CDK13: variants seen among roughly 807,000 people sequenced by gnomAD.
CDK13 encodes cyclin dependent kinase 13.
In CDK13, 40 loss-of-function variants were observed where a neutral mutation model predicts 137.6. The ratio of observed to expected loss-of-function variants is 0.29; its 90% CI spans 0.23 to 0.38. The LOEUF (loss-of-function observed/expected upper bound fraction) is 0.38, where lower values mean the gene tolerates loss of function less well. CDK13 is among the 10% of genes least tolerant of loss of function. The probability of loss-of-function intolerance (pLI) is 1.00; values close to 1 mark genes in which losing one functional copy is unlikely to be tolerated. For missense variants in CDK13, 1,704 were observed against 1,951.8 expected, an observed-to-expected ratio of 0.87 and a Z score of 2.39; for synonymous variants, 869 against 760.1, an observed-to-expected ratio of 1.14 and a Z score of -2.36.
intron 11 of CDK13, among the ~76,000 whole-genome samples, chr7:40,083,759 A>T (rs899868662): frequency 6.6e-6 from 1 of 152,232 alleles, no homozygotes. Flanking sequence ...TCTGTAAGCT[A>T]TCTGTAACAA....
At chr7:40,079,294 C>A (rs1391498156) in intron 11 of CDK13, among the ~76,000 whole-genome samples, 1 of 152,160 alleles carries the variant, frequency 6.6e-6, no homozygotes, top group Non-Finnish European at 1.5e-5. Flanking sequence ...TGGCAGGCGC[C>A]TGTAATCCCA....
Position 40,038,287 on chromosome 7 carries a change from A to T in CDK13, c.2354-7549A>T, listed in dbSNP as rs917242191. Among the ~76,000 whole-genome samples the T allele has an allele frequency of 4.6e-5, 7 of 152,158 alleles. No homozygotes were observed. The South Asian group carries it at 1.4e-3, about 32-fold the overall frequency. ...AACCATATATGCTGAAGTTTACTCC[A>T]TGTTAGTAGACAAAAATCATTTTGT... On this transcript the variant is annotated intron_variant, in intron 5 of 13. Transcript: ENST00000181839.
At chr7:40,051,259 T>TTC (rs777086082) in intron 7 of CDK13, among the ~76,000 whole-genome samples, 12 of 148,922 alleles carry the variant, frequency 8.1e-5, no homozygotes, top group Non-Finnish European at 1.6e-4. Context: ...CCTTTAAAAC[T>TTC]TCTCTTTTTT....
rs1044290744 is a variant in CDK13 at position 40,097,754 on chromosome 7, G to T, written c.*2774G>T. 1 of 152,046 alleles carries T rather than the reference G, an allele frequency of 6.6e-6. No individual in the cohort carries two copies. The highest frequency in any genetic ancestry group is 1.9e-4 in the East Asian group (1 of 5,202). The allele number at this position is 152,046 out of a possible 1,614,324, so 9.4% of individuals were successfully genotyped here. On this transcript the variant is annotated 3_prime_UTR_variant, in exon 14 of 14. Transcript: ENST00000181839. The stretch of plus-strand genomic sequence containing the variant: ...GCATGCAACTCAGTATGTTTCCTAC[G>T]TCTTCATTATTTGTTGGAGAGTTGC...
chr7:40,022,418 A>G (rs909951457), intron 5 of CDK13, among the ~76,000 whole-genome samples: 9 of 152,210 alleles, frequency 5.9e-5, no homozygotes. Flanking sequence ...TTCTACCTTC[A>G]GGCATAGTTT....
chr7:40,036,703 T>TAA (rs17537999), intron 5 of CDK13, among the ~76,000 whole-genome samples: 1 of 145,712 alleles, frequency 6.9e-6, no homozygotes, highest in African/African-American at 2.5e-5. Flanking sequence ...CCTGTCAACT[T>TAA]AAAAAAAAAA....
At chr7:39,960,182 C>T (rs779288392) in intron 1 of CDK13, among the ~76,000 whole-genome samples, 4 of 150,324 alleles carry the variant, frequency 2.7e-5, no homozygotes, top group Non-Finnish European at 5.9e-5. Flanking sequence ...CTGTTCTCTG[C>T]ATTCAGATTT....
intron 7 of CDK13, chr7:40,048,622 A>G (rs1208764491): frequency 6.6e-6 from 1 of 151,690 alleles, no homozygotes; most frequent in South Asian, 2.1e-4. Context: ...TTTTATGACA[A>G]TTTTGTCATT....
intron 3 of CDK13, 133 bp downstream of exon 3, chr7:39,997,797 A>G (rs1583966709): frequency 3.0e-6 from 2 of 664,484 alleles, no homozygotes; most frequent in Non-Finnish European, 4.9e-6. Context: ...TATGAATTCT[A>G]TTAGAGTTTT....
chr7:39,966,846 T>C (rs1783883253), intron 1 of CDK13, among the ~76,000 whole-genome samples: 1 of 152,206 alleles, frequency 6.6e-6, no homozygotes, highest in Non-Finnish European at 1.5e-5. Flanking sequence ...GACCCTCAGC[T>C]GCAGGTCCGT....
At chr7:39,959,476 TTTTTTTAA>T (rs1787539927) in intron 1 of CDK13, among the ~76,000 whole-genome samples, 1 of 149,556 alleles carries the variant, frequency 6.7e-6, no homozygotes, top group Non-Finnish European at 1.5e-5. Context: ...CTTTCTTTTT[TTTTTTTAA>T]TTGAGACCGG....
intron 4 of CDK13, 104 bp downstream of exon 4, chr7:39,999,604 A>G: frequency 1.8e-6 from 2 of 1,110,046 alleles, no homozygotes; most frequent in Non-Finnish European, 2.6e-6. Context: ...AATTAAATTC[A>G]ATTTTATTGT....
rs1466144816 is a variant in CDK13, at chr7:40,095,983, T to G, written c.*1003T>G. 1 of 152,192 alleles carries G rather than the reference T, an allele frequency of 6.6e-6. No homozygotes were observed. Among genetic ancestry groups the G allele is most frequent in the Non-Finnish European group, 1.5e-5 (1 of 68,032 alleles). The allele number at this position is 152,192 out of a possible 1,614,324, so 9.4% of individuals were successfully genotyped here. A position where few individuals can be genotyped will look rare whatever the true frequency, so the allele number is the denominator to read the frequency against. ...GTTTTGTCATTTAAATGGTTGAAAG[T>G]AATAGCTCCAGGAGAATTTTAGAGT... On this transcript the variant is annotated 3_prime_UTR_variant, in exon 14 of 14. Coordinates refer to ENST00000181839, the MANE Select transcript of CDK13 (RefSeq NM_003718.5).
At chr7:40,026,004 A>G (rs565129884) in intron 5 of CDK13, among the ~76,000 whole-genome samples, 36 of 152,320 alleles carry the variant, frequency 2.4e-4, no homozygotes, top group African/African-American at 8.4e-4. Context: ...TCTTGGTTCT[A>G]TCTGGCTGTC....
chr7:39,971,984 C>T (rs1784009560), intron 1 of CDK13, among the ~76,000 whole-genome samples: 1 of 152,332 alleles, frequency 6.6e-6, no homozygotes, highest in Admixed American at 6.5e-5. Context: ...TGAACAAATT[C>T]TTGATGGCTA....
At chr7:39,985,364 A>G (rs1267870256) in intron 1 of CDK13, 1 of 161,200 alleles carries the variant, frequency 6.2e-6, no homozygotes, top group Non-Finnish European at 1.3e-5. Context: ...TTCTTTATCC[A>G]TTCATCTGTT....
chr7:40,077,316 AAGG>A (rs1786567609), intron 9 of CDK13, among the ~76,000 whole-genome samples: 1 of 152,122 alleles, frequency 6.6e-6, no homozygotes, highest in Non-Finnish European at 1.5e-5. Context: ...TATTCATGGG[AAGG>A]AGGAGTGACA....
At chr7:39,985,359 T>A in intron 1 of CDK13, 1 of 160,636 alleles carries the variant, frequency 6.2e-6, no homozygotes, top group Non-Finnish European at 1.3e-5. Context: ...ACATTTTCTT[T>A]ATCCATTCAT....
chr7:40,031,822 A>G (rs988422898), intron 5 of CDK13, among the ~76,000 whole-genome samples: 1 of 113,576 alleles, frequency 8.8e-6, no homozygotes, highest in Non-Finnish European at 1.8e-5. Flanking sequence ...ATTTATTATT[A>G]TTATTGTTAT....
Sources: gnomAD v4.1 joint callset for allele counts (sites outside exome capture counted in the v4.1 genomes callset) on GRCh38, gnomAD v4.1.1 for gene constraint, MANE v1.5 for transcripts, NCBI Gene and HGNC (gene_info 2026-07-23, HGNC 2026-07-21) for gene names.